The following ISM1 variants were observed in gnomAD, a reference collection of about 807,000 sequenced individuals.
The protein encoded by ISM1 is isthmin 1.
A neutral mutation model predicts 46.3 loss-of-function variants in ISM1; 25 were observed. The ratio of observed to expected loss-of-function variants is 0.54; its 90% CI spans 0.39 to 0.75. The LOEUF (loss-of-function observed/expected upper bound fraction) is 0.75, where lower values mean the gene tolerates loss of function less well. Ranked by LOEUF, ISM1 falls within the 30% of genes least tolerant of loss-of-function variation. The probability of loss-of-function intolerance (pLI) is 0.00; values close to 1 mark genes in which losing one functional copy is unlikely to be tolerated. For missense variants in ISM1, 536 were observed against 625.4 expected (o/e 0.86, Z 1.52); for synonymous variants, 255 against 256.7 (o/e 0.99, Z 0.06).
chr20:13,241,397 A>G (rs1438661776), intron 1 of ISM1, among the ~76,000 whole-genome samples: 1 of 152,232 alleles, frequency 6.6e-6, no homozygotes, highest in Non-Finnish European at 1.5e-5. Context: ...GATGAGAACG[A>G]TCCAATAGAA....
At chr20:13,312,637 G>A in the ISM1 span, among the ~76,000 whole-genome samples, 1 of 152,138 alleles carries the variant, frequency 6.6e-6, no homozygotes, top group Non-Finnish European at 1.5e-5. Flanking sequence ...CTGCCTCTGG[G>A]GCCATGACAG....
intron 1 of ISM1, among the ~76,000 whole-genome samples, chr20:13,266,853 C>A (rs6033654): frequency 0.65 from 98,573 of 152,044 alleles, 33,879 homozygotes; most frequent in African/African-American, 0.89. Flanking sequence ...GAATAATTCA[C>A]GTGGAATACT....
At chr20:13,295,229 C>G (rs2123328064) in intron 5 of ISM1, among the ~76,000 whole-genome samples, 1 of 152,264 alleles carries the variant, frequency 6.6e-6, no homozygotes, top group East Asian at 1.9e-4. Context: ...CTGTTTCCTC[C>G]CAGAGTATCT....
rs186209569 is a variant in ISM1 at position 13,252,023 on chromosome 20, C to G, written c.139-18481C>G. Among the ~76,000 whole-genome samples the G allele has an allele frequency of 6.0e-3, 920 of 152,262 alleles. 10 individuals are homozygous for G. The highest frequency in any genetic ancestry group is 0.021 in the African/African-American group (859 of 41,546). ...AAATTTGCTGGAGGAAAGCAAAGCTCTGGTTGCTACATGAGCTTTCCAGTT... is the reference window on the plus strand; with the variant it reads ...AAATTTGCTGGAGGAAAGCAAAGCTGTGGTTGCTACATGAGCTTTCCAGTT... On this transcript the variant is annotated intron_variant, in intron 1 of 5. Coordinates refer to ENST00000262487, the MANE Select transcript of ISM1 (RefSeq NM_080826.2).
chr20:13,278,572 C>T (rs553901170), intron 2 of ISM1, among the ~76,000 whole-genome samples: 2 of 152,320 alleles, frequency 1.3e-5, no homozygotes, highest in South Asian at 4.1e-4. Flanking sequence ...ACCAGACTCC[C>T]CATGTCTGCC....
At chr20:13,313,823 T>C in the ISM1 span, among the ~76,000 whole-genome samples, 1 of 152,180 alleles carries the variant, frequency 6.6e-6, no homozygotes, top group Admixed American at 6.5e-5. Flanking sequence ...ATGCTGGAAT[T>C]GTTAGGCCAG....
At chr20:13,270,067 G>A (rs1241151049) in intron 1 of ISM1, among the ~76,000 whole-genome samples, 1 of 152,150 alleles carries the variant, frequency 6.6e-6, no homozygotes, top group Non-Finnish European at 1.5e-5. Context: ...ACTATATCCA[G>A]CTTGGTCAGA....
chr20:13,301,314 G>A (rs563766677), downstream of ISM1, among the ~76,000 whole-genome samples: 4 of 152,080 alleles, frequency 2.6e-5, no homozygotes, highest in Admixed American at 2.0e-4. Context: ...TCAGCCTCCC[G>A]AGTAGCTGGG....
chr20:13,258,104 C>T (rs994444424), intron 1 of ISM1, among the ~76,000 whole-genome samples: 3 of 152,166 alleles, frequency 2.0e-5, no homozygotes, highest in East Asian at 3.9e-4. Context: ...GCTATTTCTC[C>T]CAAGCATACC....
chr20:13,290,087 A>G (rs941190281), intron 4 of ISM1, among the ~76,000 whole-genome samples: 1 of 152,204 alleles, frequency 6.6e-6, no homozygotes, highest in Admixed American at 6.5e-5. Context: ...ACAGGGCTGA[A>G]ATGCAAGAAG....
At chr20:13,230,775 AC>A (rs1300300681) in intron 1 of ISM1, among the ~76,000 whole-genome samples, 4 of 152,030 alleles carry the variant, frequency 2.6e-5, no homozygotes, top group African/African-American at 9.7e-5. Flanking sequence ...AGAAAAAAAA[AC>A]CTCACTTTGC....
At chr20:13,317,066 G>A in the ISM1 span, among the ~76,000 whole-genome samples, 18 of 151,754 alleles carry the variant, frequency 1.2e-4, no homozygotes, top group African/African-American at 3.4e-4. Context: ...AAAAAATCTG[G>A]AATTAATAAG....
intron 3 of ISM1, among the ~76,000 whole-genome samples, chr20:13,282,285 C>G (rs531050812): frequency 6.6e-6 from 1 of 152,290 alleles, no homozygotes; most frequent in South Asian, 2.1e-4. Flanking sequence ...GGCCACTGCT[C>G]TCCATCTCCT....
intron 1 of ISM1, among the ~76,000 whole-genome samples, chr20:13,223,168 AAAAT>A (rs2039472458): frequency 2.3e-5 from 3 of 128,204 alleles, no homozygotes; most frequent in Admixed American, 7.1e-5. Flanking sequence ...AAAAAAAAAT[AAAAT>A]AAAATAAAAT....
At chr20:13,323,440 C>T in the ISM1 span, among the ~76,000 whole-genome samples, 1 of 152,130 alleles carries the variant, frequency 6.6e-6, no homozygotes, top group Non-Finnish European at 1.5e-5. Context: ...CAGTGTGTTA[C>T]CAAAGAGAAA....
chr20:13,298,863 G>A, intron 5 of ISM1, 79 bp from the exon 6 acceptor site: 8 of 1,445,128 alleles, frequency 5.5e-6, no homozygotes, highest in Non-Finnish European at 5.7e-6. Flanking sequence ...GGAGCAGCCT[G>A]GTGTCACATG....
chr20:13,304,367 G>T (rs1269425645), downstream of ISM1, among the ~76,000 whole-genome samples: 1 of 152,124 alleles, frequency 6.6e-6, no homozygotes, highest in Non-Finnish European at 1.5e-5. Context: ...ATGGGGAGAG[G>T]TCCTTCTCAC....
At chr20:13,223,167 TA>T (rs1209268068) in intron 1 of ISM1, among the ~76,000 whole-genome samples, 1 of 129,772 alleles carries the variant, frequency 7.7e-6, no homozygotes, top group African/African-American at 3.2e-5. Flanking sequence ...AAAAAAAAAA[TA>T]AAATAAAATA....
At chr20:13,277,109 G>A (rs1313321843) in intron 2 of ISM1, among the ~76,000 whole-genome samples, 1 of 152,050 alleles carries the variant, frequency 6.6e-6, no homozygotes, top group East Asian at 1.9e-4. Flanking sequence ...CAGGCAACAA[G>A]TCTATTTTGT....
Sources: gnomAD v4.1 joint callset for allele counts (sites outside exome capture counted in the v4.1 genomes callset) on GRCh38, gnomAD v4.1.1 for gene constraint, MANE v1.5 for transcripts, NCBI Gene and HGNC (gene_info 2026-07-23, HGNC 2026-07-21) for gene names.